Variants in DGKI observed in about 807,000 individuals in gnomAD.
DGKI encodes DAG kinase iota.
DGKI carries 55 observed loss-of-function variants against 147.5 expected under a neutral mutation model. The ratio of observed to expected loss-of-function variants is 0.37; its 90% CI spans 0.30 to 0.47. DGKI has a LOEUF of 0.47. Ranked by LOEUF, DGKI falls within the 20% of genes least tolerant of loss-of-function variation. The pLI, the probability that DGKI is intolerant of heterozygous loss-of-function variation, is 1.00. For synonymous variants in DGKI, 469 were observed against 477.1 expected (o/e 0.98, Z 0.22); for missense variants, 1,007 against 1,323.8 (o/e 0.76, Z 3.71).
intron 1 of DGKI, among the ~76,000 whole-genome samples, chr7:137,697,527 GT>G (rs1364689796): frequency 6.6e-6 from 1 of 152,156 alleles, no homozygotes; most frequent in Non-Finnish European, 1.5e-5. Context: ...TATAAGAGTA[GT>G]TTACACTCTA....
intron 7 of DGKI, among the ~76,000 whole-genome samples, chr7:137,621,417 C>T (rs1820743019): frequency 6.6e-6 from 1 of 152,126 alleles, no homozygotes; most frequent in Non-Finnish European, 1.5e-5. Flanking sequence ...TCCAAGATTG[C>T]ACAGTTTTTA....
chr7:137,769,396 A>C (rs1260533636), intron 1 of DGKI, among the ~76,000 whole-genome samples: 1 of 152,254 alleles, frequency 6.6e-6, no homozygotes, highest in Non-Finnish European at 1.5e-5. Context: ...AGATCAAACT[A>C]GTACCATTCA....
At position 137,690,063 on chromosome 7, in the gene DGKI, A is replaced by G; in HGVS notation, c.402-61T>C. 3 of 1,322,612 alleles carry G rather than the reference A, an allele frequency of 2.3e-6. No individual in the cohort carries two copies. In the South Asian group the frequency reaches 4.2e-5, roughly 19 times the overall value. The allele number at this position is 1,322,612 out of a possible 1,614,324, so 81.9% of individuals were successfully genotyped here. On this transcript the variant is annotated intron_variant, in intron 1 of 32. Transcript: ENST00000614521. ...AAAAACCAACATCAGAATCTCATAC[A>G]GAGCTCAAAATTTCCCATGGGGTAG... is the stretch of plus-strand genomic sequence containing the variant.
chr7:137,722,554 C>T (rs1274139634), intron 1 of DGKI: 1 of 1,599,794 alleles, frequency 6.3e-7, no homozygotes, highest in African/African-American at 1.3e-5. Context: ...ACGAAGAACA[C>T]ACCAGAAATT....
At chr7:137,733,632 CA>C (rs1316161998) in intron 1 of DGKI, among the ~76,000 whole-genome samples, 1 of 152,020 alleles carries the variant, frequency 6.6e-6, no homozygotes, top group Non-Finnish European at 1.5e-5. Context: ...GTGTATAAAA[CA>C]AAGAACTCTG....
chr7:137,413,159 C>T (rs932415631), intron 28 of DGKI, among the ~76,000 whole-genome samples: 12 of 149,264 alleles, frequency 8.0e-5, no homozygotes, highest in African/African-American at 2.5e-4. Context: ...CCCAGCTACT[C>T]GGGAGGCTGA....
At chr7:137,500,459 G>A (rs1478240049) in intron 21 of DGKI, among the ~76,000 whole-genome samples, 1 of 152,148 alleles carries the variant, frequency 6.6e-6, no homozygotes, top group Non-Finnish European at 1.5e-5. Flanking sequence ...ATGCATAAAT[G>A]AAAACTATTC....
At chr7:137,667,630 A>C (rs965223259) in intron 3 of DGKI, among the ~76,000 whole-genome samples, 3 of 152,234 alleles carry the variant, frequency 2.0e-5, no homozygotes, top group Admixed American at 6.5e-5. Context: ...CCAAAAATTT[A>C]GAGATATTTG....
intron 20 of DGKI, among the ~76,000 whole-genome samples, chr7:137,548,747 C>A (rs1358538366): frequency 6.6e-6 from 1 of 152,206 alleles, no homozygotes; most frequent in Non-Finnish European, 1.5e-5. Flanking sequence ...GCGGGCAGAT[C>A]ACTTGAGCCC....
At chr7:137,774,435 T>C (rs1394906012) in intron 1 of DGKI, among the ~76,000 whole-genome samples, 1 of 152,146 alleles carries the variant, frequency 6.6e-6, no homozygotes, top group Non-Finnish European at 1.5e-5. Context: ...AGGTTCTTTT[T>C]CCCTACTGTA....
At chr7:137,671,886 T>C (rs187639456) in intron 3 of DGKI, among the ~76,000 whole-genome samples, 1 of 152,128 alleles carries the variant, frequency 6.6e-6, no homozygotes, top group Non-Finnish European at 1.5e-5. Flanking sequence ...TAAAGCAAAA[T>C]ACAAGAACAA....
chr7:137,564,845 C>G (rs1818529696), intron 19 of DGKI, among the ~76,000 whole-genome samples: 1 of 152,222 alleles, frequency 6.6e-6, no homozygotes, highest in African/African-American at 2.4e-5. Flanking sequence ...CTCGTGCCAC[C>G]TGGAATGCAG....
Position 137,540,761 on chromosome 7 carries a change from C to CAAAAAAAAAAAAA in DGKI, c.2147+11607_2147+11608insTTTTTTTTTTTTT, listed in dbSNP as rs1563075671. The stretch of plus-strand genomic sequence containing the variant: ...GGAAACAAACATTTTAAAAACCCCC[C>CAAAAAAAAAAAAA]CAAAAAAAAAAAAAAAAAAAAAAAA... On this transcript the variant is annotated intron_variant, in intron 20 of 32. Transcript: ENST00000614521. 1.4e-4 allele frequency among the ~76,000 whole-genome samples: 5 copies of CAAAAAAAAAAAAA among 35,538 alleles called. 1 individual carries two copies. Among genetic ancestry groups the CAAAAAAAAAAAAA allele is most frequent in the Non-Finnish European group, 1.8e-4 (2 of 10,896 alleles). The allele number at this position is 35,538 out of a possible 152,430, so 23.3% of individuals were successfully genotyped here.
intron 3 of DGKI, among the ~76,000 whole-genome samples, chr7:137,664,160 T>C (rs1253920388): frequency 1.3e-5 from 2 of 152,182 alleles, no homozygotes; most frequent in East Asian, 1.9e-4. Flanking sequence ...GAAGATTACA[T>C]GAGGCTGGGA....
chr7:137,830,348 G>A (rs1798182562), intron 1 of DGKI, among the ~76,000 whole-genome samples: 1 of 152,184 alleles, frequency 6.6e-6, no homozygotes, highest in South Asian at 2.1e-4. Context: ...AGCAGATGGG[G>A]ACAGAAACCC....
At chr7:137,422,939 A>G (rs1385184997) in intron 28 of DGKI, among the ~76,000 whole-genome samples, 1 of 152,206 alleles carries the variant, frequency 6.6e-6, no homozygotes, top group East Asian at 1.9e-4. Flanking sequence ...TAAAATAATT[A>G]CAGTACACTG....
chr7:137,546,594 A>G (rs1817875037), intron 20 of DGKI, among the ~76,000 whole-genome samples: 1 of 152,258 alleles, frequency 6.6e-6, no homozygotes, highest in African/African-American at 2.4e-5. Context: ...CTGGGTAGAA[A>G]AATGAAACCA....
chr7:137,425,336 G>A (rs1812753432), intron 28 of DGKI, among the ~76,000 whole-genome samples: 1 of 152,196 alleles, frequency 6.6e-6, no homozygotes, highest in Admixed American at 6.5e-5. Flanking sequence ...GCAGCTAAGG[G>A]TCCTGTCTGT....
intron 1 of DGKI, among the ~76,000 whole-genome samples, chr7:137,818,433 TG>T (rs1341401002): frequency 6.6e-6 from 1 of 152,130 alleles, no homozygotes; most frequent in Non-Finnish European, 1.5e-5. Context: ...ACAATTTTTT[TG>T]TTTGTTTCTT....
Sources: allele counts gnomAD v4.1 joint callset (sites outside exome capture counted in the v4.1 genomes callset), GRCh38; gene constraint gnomAD v4.1.1; transcripts MANE v1.5; gene names NCBI Gene and HGNC (gene_info 2026-07-23, HGNC 2026-07-21).